KCNE4: variants seen among roughly 807,000 people sequenced by gnomAD.
The protein encoded by KCNE4 is potassium voltage-gated channel subfamily E regulatory subunit 4.
Under a neutral mutation model 9.2 loss-of-function variants are expected in KCNE4, and 6 were observed. The ratio of observed to expected loss-of-function variants is 0.65; its 90% CI spans 0.36 to 1.29. The LOEUF (loss-of-function observed/expected upper bound fraction) is 1.29, where lower values mean the gene tolerates loss of function less well. KCNE4 is among the 50% of genes most tolerant of loss of function. The pLI, the probability that KCNE4 is intolerant of heterozygous loss-of-function variation, is 0.03. For missense variants in KCNE4, 222 were observed against 228.8 expected, an observed-to-expected ratio of 0.97 and a Z score of 0.19; for synonymous variants, 115 against 103.2, an observed-to-expected ratio of 1.11 and a Z score of -0.70.
At chr2:223,052,679 C>T (rs1698710528) in intron 1 of KCNE4, 129 bp from the exon 2 acceptor site, 2 of 1,041,416 alleles carry the variant, frequency 1.9e-6, no homozygotes, top group African/African-American at 1.6e-5. Flanking sequence ...GTTTGGCGAA[C>T]CCTCTTATGC....
In KCNE4 at chr2:223,053,011, AAGAGGCGGG is replaced by A; in HGVS notation, c.185_193del (p.Arg62_Glu64del). 1 of 1,614,220 alleles carries A rather than the reference AAGAGGCGGG, an allele frequency of 6.2e-7. No individual in the cohort carries two copies. The highest frequency in any genetic ancestry group is 8.5e-7 in the Non-Finnish European group (1 of 1,180,028). On this transcript the variant is annotated inframe_deletion, in exon 2 of 2. Transcript: ENST00000281830. The surrounding 1 kb of genome is among the most constrained non-coding windows in gnomAD (Gnocchi z 4.1). ...AATCATGCTGGGCTACATGAAATCC[AAGAGGCGGG>A]AGAAGAAGTCCAGCCTCCTGCTGCT...
rs1698725477 is a variant in KCNE4, at chr2:223,053,393, G to A, written c.*50G>A. 6.5e-7 allele frequency: 1 copy of A among 1,543,920 alleles called. No individual in the cohort carries two copies. Among genetic ancestry groups the A allele is most frequent in the Non-Finnish European group, 8.9e-7 (1 of 1,126,852 alleles). On this transcript the variant is annotated 3_prime_UTR_variant, in exon 2 of 2. Coordinates refer to ENST00000281830, the MANE Select transcript of KCNE4 (RefSeq NM_080671.4). The surrounding 1 kb of genome is among the most constrained non-coding windows in gnomAD (Gnocchi z 4.1). ...CTCCATCAGCCAGCAACCTTAGAGA[G>A]AGGAAAGACAGTTTTCAAGTGTCTG... is the stretch of plus-strand genomic sequence containing the variant.
rs754079444 is a variant in KCNE4 at position 223,053,322 on chromosome 2, G to T, written c.492G>T (p.Glu164Asp). Residue 164 changes from glutamate (E) to aspartate (D), a missense_variant, in exon 2 of 2, where the codon GAG (glutamate) becomes GAT (aspartate). Glu to Asp is a conservative substitution (Grantham distance 45). Coordinates refer to ENST00000281830, the MANE Select transcript of KCNE4 (RefSeq NM_080671.4). This position sits in a 1 kb window ranked among gnomAD's most constrained non-coding sequence, Gnocchi z 4.1. ...ACGAGAGCAGCGAAGGGTCCTCGGA[G>T]AACATCCATCAGAATTCCTAGCACC... ...PLNESSEGSS[E>D]NIHQNS 9.3e-6 allele frequency: 15 copies of T among 1,613,680 alleles called. No homozygotes were observed. The highest frequency in any genetic ancestry group is 1.3e-5 in the Non-Finnish European group (15 of 1,179,972).
chr2:223,053,288 C>T lies in KCNE4; in HGVS notation c.458C>T (p.Thr153Met). 1 of 1,613,916 alleles carries T rather than the reference C, an allele frequency of 6.2e-7. No individual in the cohort carries two copies. The change falls in exon 2 of 2, where the codon ACG (threonine) becomes ATG (methionine). Residue 153 changes from threonine to methionine, a missense_variant. Coordinates refer to ENST00000281830, the MANE Select transcript of KCNE4 (RefSeq NM_080671.4). This position sits in a 1 kb window ranked among gnomAD's most constrained non-coding sequence, Gnocchi z 4.1. Reference sequence around the variant, plus strand: ...GATGAGCTGGAGGAGACCTCGGAGACGCCCCTCAACGAGAGCAGCGAAGGG... The same window carrying T: ...GATGAGCTGGAGGAGACCTCGGAGATGCCCCTCAACGAGAGCAGCGAAGGG... The part of the protein sequence containing the change: ...ADDELEETSE[T>M]PLNESSEGSS...
At position 223,055,172 on chromosome 2, in the gene KCNE4, T is replaced by TA. The variant is rs1309255841; in HGVS notation, c.*1832dup. 2.6e-4 allele frequency: 43 copies of TA among 165,930 alleles called. 1 individual carries two copies. In the East Asian group the frequency reaches 8.0e-3, roughly 31 times the overall value. 10.3% of individuals were successfully genotyped at this position (165,930 alleles called of 1,614,324 possible). A position where few individuals can be genotyped will look rare whatever the true frequency, so the allele number is the denominator to read the frequency against. ...TGCACCCGGCCACTTTTTTTTTTTT[T>TA]AAAGAAAAATGCTCTGCATGGATTG... On this transcript the variant is annotated 3_prime_UTR_variant, in exon 2 of 2. Transcript: ENST00000281830.
At position 223,052,848 on chromosome 2, in the gene KCNE4, T is replaced by C; in HGVS notation, c.18T>C (p.Pro6=). 6.2e-7 allele frequency: 1 copy of C among 1,612,516 alleles called. No individual in the cohort carries two copies. Among genetic ancestry groups the C allele is most frequent in the Non-Finnish European group, 8.5e-7 (1 of 1,179,954 alleles). ...CAGCCTCAATGCTGAAAATGGAGCC[T>C]CTGAACAGCACGCACCCCGGCACCG... MLKME[P]LNSTHPGTAA... is the part of the protein sequence containing the mutation. The change falls in exon 2 of 2, where the codon CCT becomes CCC. Residue 6 remains proline, a synonymous_variant. Transcript: ENST00000281830.
chr2:223,054,346 G>A lies in KCNE4; in HGVS notation c.*1003G>A, dbSNP rs72550205. The A allele has an allele frequency of 1.5e-3, 253 of 167,110 alleles. No homozygotes were observed. Among genetic ancestry groups the A allele is most frequent in the Non-Finnish European group, 2.5e-3 (167 of 68,112 alleles). The allele number at this position is 167,110 out of a possible 1,614,324, so 10.4% of individuals were successfully genotyped here. A position where few individuals can be genotyped will look rare whatever the true frequency, so the allele number is the denominator to read the frequency against. On this transcript the variant is annotated 3_prime_UTR_variant, in exon 2 of 2. Coordinates refer to ENST00000281830, the MANE Select transcript of KCNE4 (RefSeq NM_080671.4). Reference sequence around the variant, plus strand: ...TGACACTCATTTGCTGTGTGGTCCCGGGCATGTCATCAAGAAGCTCGCTGT... The same window carrying A: ...TGACACTCATTTGCTGTGTGGTCCCAGGCATGTCATCAAGAAGCTCGCTGT...
Position 223,053,425 on chromosome 2 carries a change from C to A in KCNE4, c.*82C>A. 1 of 1,378,784 alleles carries A rather than the reference C, an allele frequency of 7.3e-7. No homozygotes were observed. Among genetic ancestry groups the A allele is most frequent in the South Asian group, 1.2e-5 (1 of 80,446 alleles). The allele number at this position is 1,378,784 out of a possible 1,614,324, so 85.4% of individuals were successfully genotyped here. A position where few individuals can be genotyped will look rare whatever the true frequency, so the allele number is the denominator to read the frequency against. On this transcript the variant is annotated 3_prime_UTR_variant, in exon 2 of 2. Coordinates refer to ENST00000281830, the MANE Select transcript of KCNE4 (RefSeq NM_080671.4). The surrounding 1 kb of genome is among the most constrained non-coding windows in gnomAD (Gnocchi z 4.1). ...GACAGTTTTCAAGTGTCTGGTTTCA[C>A]TTTCACAGTGCGGCTGCCACTTTGA...
In KCNE4 at chr2:223,053,056, G is replaced by C; in HGVS notation, c.226G>C (p.Glu76Gln). Residue 76 changes from glutamate to glutamine, a missense_variant, in exon 2 of 2, where the codon GAG becomes CAG. Coordinates refer to ENST00000281830, the MANE Select transcript of KCNE4 (RefSeq NM_080671.4). The surrounding 1 kb of genome is among the most constrained non-coding windows in gnomAD (Gnocchi z 4.1). ...CAGCCTCCTGCTGCTGTACAAAGAC[G>C]AGGAGCGGCTCTGGGGGGAGGCCAT... ...KSSLLLLYKD[E>Q]ERLWGEAMKP... The C allele has an allele frequency of 6.2e-7, 1 of 1,614,130 alleles. No individual in the cohort carries two copies. Among genetic ancestry groups the C allele is most frequent in the Non-Finnish European group, 8.5e-7 (1 of 1,180,022 alleles).
Position 223,053,348 on chromosome 2 carries a change from C to T in KCNE4, c.*5C>T, listed in dbSNP as rs765585996. ...AACATCCATCAGAATTCCTAGCACC[C>T]CCGGGACCCCTGCCGGTGGCTCCAT... is the stretch of plus-strand genomic sequence containing the variant. On this transcript the variant is annotated 3_prime_UTR_variant, in exon 2 of 2. Transcript: ENST00000281830. This position sits in a 1 kb window ranked among gnomAD's most constrained non-coding sequence, Gnocchi z 4.1. The T allele has an allele frequency of 6.2e-7, 1 of 1,612,654 alleles. No individual in the cohort carries two copies. Among genetic ancestry groups the T allele is most frequent in the Non-Finnish European group, 8.5e-7 (1 of 1,179,462 alleles).
chr2:223,052,197 AGAGCCG>A lies in KCNE4; in HGVS notation c.-98_-93del. The A allele has an allele frequency of 8.1e-7, 1 of 1,232,510 alleles. No homozygotes were observed. Among genetic ancestry groups the A allele is most frequent in the Non-Finnish European group, 1.0e-6 (1 of 988,240 alleles). 76.3% of individuals were successfully genotyped at this position (1,232,510 alleles called of 1,614,324 possible). ...TGCAGCAGCGGAGTTGTCAGAGCGC[AGAGCCG>A]GACAGAGCAGAAGAACCCTCTTGGA... On this transcript the variant is annotated 5_prime_UTR_variant, in exon 1 of 2. Transcript: ENST00000281830.
At position 223,053,263 on chromosome 2, in the gene KCNE4, G is replaced by A. The variant is rs1461387651; in HGVS notation, c.433G>A (p.Asp145Asn). ...HLTIQEEGAD[D>N]ELEETSETPL... Reference sequence around the variant, plus strand: ...CACCATTCAGGAGGAGGGGGCAGACGATGAGCTGGAGGAGACCTCGGAGAC... The same window carrying A: ...CACCATTCAGGAGGAGGGGGCAGACAATGAGCTGGAGGAGACCTCGGAGAC... The change falls in exon 2 of 2, where the codon GAT becomes AAT. Residue 145 changes from aspartate to asparagine, a missense_variant. Physicochemically the swap from Asp to Asn is conservative, Grantham distance 23 (BLOSUM62 1). Coordinates refer to ENST00000281830, the MANE Select transcript of KCNE4 (RefSeq NM_080671.4). This position sits in a 1 kb window ranked among gnomAD's most constrained non-coding sequence, Gnocchi z 4.1. 1.2e-6 allele frequency: 2 copies of A among 1,613,662 alleles called. No individual in the cohort carries two copies. The highest frequency in any genetic ancestry group is 1.1e-5 in the South Asian group (1 of 91,080).
At position 223,053,270 on chromosome 2, in the gene KCNE4, T is replaced by C. The variant is rs1171060785; in HGVS notation, c.440T>C (p.Leu147Pro). The change falls in exon 2 of 2, where the codon CTG becomes CCG. Residue 147 changes from leucine (L) to proline (P), a missense_variant. Coordinates refer to ENST00000281830, the MANE Select transcript of KCNE4 (RefSeq NM_080671.4). The surrounding 1 kb of genome is among the most constrained non-coding windows in gnomAD (Gnocchi z 4.1). ...CAGGAGGAGGGGGCAGACGATGAGC[T>C]GGAGGAGACCTCGGAGACGCCCCTC... ...TIQEEGADDE[L>P]EETSETPLNE... The C allele has an allele frequency of 4.3e-6, 7 of 1,613,864 alleles. No homozygotes were observed. Among genetic ancestry groups the C allele is most frequent in the East Asian group, 2.2e-5 (1 of 44,870 alleles).
At position 223,053,213 on chromosome 2, in the gene KCNE4, A is replaced by G; in HGVS notation, c.383A>G (p.Glu128Gly). Residue 128 changes from glutamate to glycine, a missense_variant, in exon 2 of 2, where the codon GAG becomes GGG. By Grantham distance (98) the Glu-to-Gly change is moderately conservative. Coordinates refer to ENST00000281830, the MANE Select transcript of KCNE4 (RefSeq NM_080671.4). The surrounding 1 kb of genome is among the most constrained non-coding windows in gnomAD (Gnocchi z 4.1). ...ATGGAAGGGGACAGCGTGAGCTCCG[A>G]GTCCTCCTCCCCGGACGTGCACCTC... is the stretch of plus-strand genomic sequence containing the variant. ...CSMEGDSVSS[E>G]SSSPDVHLTI... 1 of 1,613,190 alleles carries G rather than the reference A, an allele frequency of 6.2e-7. No individual in the cohort carries two copies. The highest frequency in any genetic ancestry group is 8.5e-7 in the Non-Finnish European group (1 of 1,179,474).
At position 223,053,401 on chromosome 2, in the gene KCNE4, A is replaced by G; in HGVS notation, c.*58A>G. 2 of 1,513,532 alleles carry G rather than the reference A, an allele frequency of 1.3e-6. No homozygotes were observed. The highest frequency in any genetic ancestry group is 4.7e-5 in the East Asian group (2 of 42,352). The allele number at this position is 1,513,532 out of a possible 1,614,324, so 93.8% of individuals were successfully genotyped here. A position where few individuals can be genotyped will look rare whatever the true frequency, so the allele number is the denominator to read the frequency against. ...GCCAGCAACCTTAGAGAGAGGAAAGACAGTTTTCAAGTGTCTGGTTTCACT... is the reference window on the plus strand; with the variant it reads ...GCCAGCAACCTTAGAGAGAGGAAAGGCAGTTTTCAAGTGTCTGGTTTCACT... On this transcript the variant is annotated 3_prime_UTR_variant, in exon 2 of 2. Coordinates refer to ENST00000281830, the MANE Select transcript of KCNE4 (RefSeq NM_080671.4). This position sits in a 1 kb window ranked among gnomAD's most constrained non-coding sequence, Gnocchi z 4.1.
At position 223,052,191 on chromosome 2, in the gene KCNE4, G is replaced by A. The variant is rs1277245384; in HGVS notation, c.-107G>A. On this transcript the variant is annotated 5_prime_UTR_variant, in exon 1 of 2. Coordinates refer to ENST00000281830, the MANE Select transcript of KCNE4 (RefSeq NM_080671.4). ...CCCAACTGCAGCAGCGGAGTTGTCAGAGCGCAGAGCCGGACAGAGCAGAAG... is the reference window on the plus strand; with the variant it reads ...CCCAACTGCAGCAGCGGAGTTGTCAAAGCGCAGAGCCGGACAGAGCAGAAG... 1 of 1,232,386 alleles carries A rather than the reference G, an allele frequency of 8.1e-7. No homozygotes were observed. The highest frequency in any genetic ancestry group is 1.0e-6 in the Non-Finnish European group (1 of 988,266). 76.3% of individuals were successfully genotyped at this position (1,232,386 alleles called of 1,614,324 possible).
In KCNE4 at chr2:223,053,263, G is replaced by T; in HGVS notation, c.433G>T (p.Asp145Tyr). 1 of 1,613,662 alleles carries T rather than the reference G, an allele frequency of 6.2e-7. No homozygotes were observed. The highest frequency in any genetic ancestry group is 8.5e-7 in the Non-Finnish European group (1 of 1,180,002). ...HLTIQEEGADDELEETSETPL... is the reference protein window; with the variant it reads ...HLTIQEEGADYELEETSETPL... ...CACCATTCAGGAGGAGGGGGCAGAC[G>T]ATGAGCTGGAGGAGACCTCGGAGAC... The change falls in exon 2 of 2, where the codon GAT (aspartate) becomes TAT (tyrosine). Residue 145 changes from aspartate (D) to tyrosine (Y), a missense_variant. By Grantham distance (160) the Asp-to-Tyr change is radical (BLOSUM62 -3). Coordinates refer to ENST00000281830, the MANE Select transcript of KCNE4 (RefSeq NM_080671.4). The surrounding 1 kb of genome is among the most constrained non-coding windows in gnomAD (Gnocchi z 4.1).
Position 223,053,510 on chromosome 2 carries a change from C to T in KCNE4, c.*167C>T. The T allele has an allele frequency of 4.1e-6, 3 of 736,732 alleles. No individual in the cohort carries two copies. The highest frequency in any genetic ancestry group is 7.1e-6 in the Non-Finnish European group (3 of 424,524). The allele number at this position is 736,732 out of a possible 1,614,324, so 45.6% of individuals were successfully genotyped here. A position where few individuals can be genotyped will look rare whatever the true frequency, so the allele number is the denominator to read the frequency against. The stretch of plus-strand genomic sequence containing the variant: ...GTGGGGGACTAGGCTCAGCCGGAAC[C>T]AGCACCTCCAAGGAGTCCGGGAGGT... On this transcript the variant is annotated 3_prime_UTR_variant, in exon 2 of 2. Transcript: ENST00000281830. The surrounding 1 kb of genome is among the most constrained non-coding windows in gnomAD (Gnocchi z 4.1).
chr2:223,052,737 A>G lies in KCNE4; in HGVS notation c.-23-71A>G, dbSNP rs569574599. 252 of 1,547,598 alleles carry G rather than the reference A, an allele frequency of 1.6e-4. 2 individuals carry two copies. In the South Asian group the frequency reaches 2.8e-3, roughly 17 times the overall value. ...GCTTTTTTGGTATTGCAGTTCCACAAACCTCGTGCTCCCCCACCTCCCTGT... is the reference window on the plus strand; with the variant it reads ...GCTTTTTTGGTATTGCAGTTCCACAGACCTCGTGCTCCCCCACCTCCCTGT... On this transcript the variant is annotated intron_variant, in intron 1 of 1. Transcript: ENST00000281830.
Sources: allele counts gnomAD v4.1 joint callset, GRCh38; gene constraint gnomAD v4.1.1; non-coding constraint Gnocchi (gnomAD v3.1); transcripts MANE v1.5; gene names NCBI Gene and HGNC (gene_info 2026-07-23, HGNC 2026-07-21).